Variants in IBTK observed in about 807,000 individuals in gnomAD.
The protein encoded by IBTK is inhibitor of Bruton tyrosine kinase.
Under a neutral mutation model 154.9 loss-of-function variants are expected in IBTK, and 83 were observed. The ratio of observed to expected loss-of-function variants is 0.54; its 90% CI spans 0.45 to 0.64. The LOEUF is 0.64. Ranked by LOEUF, IBTK falls within the 30% of genes least tolerant of loss-of-function variation. The pLI, the probability that IBTK is intolerant of heterozygous loss-of-function variation, is 0.00. For synonymous variants in IBTK, 515 were observed against 536.1 expected (o/e 0.96, Z 0.54); for missense variants, 1,332 against 1,584.6 (o/e 0.84, Z 2.71).
chr6:82,212,638 A>G (rs908513610), intron 13 of IBTK, 69 bp downstream of exon 13: 8 of 924,366 alleles, frequency 8.7e-6, no homozygotes, highest in Non-Finnish European at 1.4e-5. Context: ...GTGGGTAAGC[A>G]GAGATCTATT....
chr6:82,218,018 A>G lies in IBTK; in HGVS notation c.1368T>C (p.Asp456=), dbSNP rs1407686404. 4 of 1,612,330 alleles carry G rather than the reference A, an allele frequency of 2.5e-6. No homozygotes were observed. In the South Asian group the frequency reaches 3.3e-5, roughly 13 times the overall value. Residue 456 remains aspartate (D), a synonymous_variant, in exon 10 of 29, where the codon GAT becomes GAC. Coordinates refer to ENST00000306270, the MANE Select transcript of IBTK (RefSeq NM_015525.4). ...ACCATCTCCCTCTAAATCCTTCTCC[A>G]TCTTGCGTAACAAATAGAATTTCAT... ...NRNEILFVTQ[D]GEGFRGRWFE... is the part of the protein sequence containing the mutation.
At chr6:82,224,026 G>T in intron 7 of IBTK, 42 bp downstream of exon 7, 2 of 1,033,310 alleles carry the variant, frequency 1.9e-6, no homozygotes, top group Non-Finnish European at 3.0e-6. Context: ...TTTTTAAAGA[G>T]TCCAATTTAA....
intron 25 of IBTK, among the ~76,000 whole-genome samples, chr6:82,190,354 G>A (rs1198365775): frequency 1.1e-5 from 1 of 87,812 alleles, no homozygotes; most frequent in Non-Finnish European, 2.4e-5. Flanking sequence ...CCTTGTGAGA[G>A]AAAGAGAGTT....
intron 9 of IBTK, 54 bp from the exon 10 acceptor site, chr6:82,218,191 C>A: frequency 2.3e-6 from 3 of 1,304,060 alleles, no homozygotes; most frequent in South Asian, 3.9e-5. Context: ...TTTGAACAAC[C>A]AAAACCTTAA....
chr6:82,216,550 T>C (rs1562095091), intron 10 of IBTK, among the ~76,000 whole-genome samples: 1 of 152,208 alleles, frequency 6.6e-6, no homozygotes, highest in Non-Finnish European at 1.5e-5. Flanking sequence ...TCTAGTGTCA[T>C]ACTAGCTTTT....
chr6:82,173,447 C>T lies in IBTK; in HGVS notation c.3726-9G>A. 1 of 1,609,712 alleles carries T rather than the reference C, an allele frequency of 6.2e-7. No individual in the cohort carries two copies. Among genetic ancestry groups the T allele is most frequent in the Non-Finnish European group, 8.5e-7 (1 of 1,176,418 alleles). ...TACCATGGGTAGAGCATCTGCAAAA[C>T]AAATGCCAAAATTAAAGATTAAAGC... On this transcript the variant is annotated splice_polypyrimidine_tract_variant and intron_variant, in intron 26 of 28. Transcript: ENST00000306270.
In IBTK at chr6:82,223,517, A is replaced by G. The variant is rs776071269; in HGVS notation, c.1047T>C (p.Asp349=). The G allele has an allele frequency of 6.2e-7, 1 of 1,614,152 alleles. No individual in the cohort carries two copies. The highest frequency in any genetic ancestry group is 8.5e-7 in the Non-Finnish European group (1 of 1,179,946). ...TTGTGGTAACACAGACTGTAGCTCCATCACTTGCAGCAACCAAAGACAGAG... is the reference window on the plus strand; with the variant it reads ...TTGTGGTAACACAGACTGTAGCTCCGTCACTTGCAGCAACCAAAGACAGAG... ...DIALSLVAAS[D]GATVCVTTRG... is the part of the protein sequence containing the mutation. Residue 349 remains aspartate, a synonymous_variant, in exon 8 of 29, where the codon GAT becomes GAC. Coordinates refer to ENST00000306270, the MANE Select transcript of IBTK (RefSeq NM_015525.4).
intron 1 of IBTK, among the ~76,000 whole-genome samples, chr6:82,245,309 A>C (rs1217473895): frequency 6.6e-6 from 1 of 152,188 alleles, no homozygotes; most frequent in Non-Finnish European, 1.5e-5. Context: ...CTGTAGTCCC[A>C]ACACTTTGTT....
intron 4 of IBTK, 33 bp from the exon 5 acceptor site, chr6:82,227,335 C>A: frequency 7.9e-7 from 1 of 1,261,214 alleles, no homozygotes; most frequent in Non-Finnish European, 1.1e-6. Flanking sequence ...TATTAAACTT[C>A]TCTGAATAAA....
chr6:82,244,407 C>G (rs779386653), intron 1 of IBTK, among the ~76,000 whole-genome samples: 1 of 152,204 alleles, frequency 6.6e-6, no homozygotes, highest in Non-Finnish European at 1.5e-5. Flanking sequence ...TTTAAAACCT[C>G]ATTCCCTTAA....
At chr6:82,220,016 C>G (rs895146185) in intron 9 of IBTK, among the ~76,000 whole-genome samples, 1 of 151,980 alleles carries the variant, frequency 6.6e-6, no homozygotes, top group East Asian at 1.9e-4. Context: ...TTGAGACCAG[C>G]CTGGCTAACA....
intron 22 of IBTK, among the ~76,000 whole-genome samples, chr6:82,195,708 G>A (rs1768958498): frequency 6.6e-6 from 1 of 152,154 alleles, no homozygotes; most frequent in African/African-American, 2.4e-5. Context: ...ACAGAAAAGT[G>A]ACTCTATCTC....
chr6:82,188,916 G>T, intron 25 of IBTK: 1 of 279,536 alleles, frequency 3.6e-6, no homozygotes, highest in South Asian at 3.2e-5. Flanking sequence ...TGTAATCCTA[G>T]CTATTCAGGA....
At chr6:82,239,790 G>A (rs1266289678) in intron 2 of IBTK, among the ~76,000 whole-genome samples, 4 of 130,278 alleles carry the variant, frequency 3.1e-5, no homozygotes, top group Non-Finnish European at 5.0e-5. Flanking sequence ...AATGCTGCCC[G>A]ATTCATAAAT....
chr6:82,203,580 G>C (rs1337309753), intron 17 of IBTK, among the ~76,000 whole-genome samples: 2 of 152,074 alleles, frequency 1.3e-5, no homozygotes, highest in Admixed American at 6.6e-5. Flanking sequence ...AACTTCTTTA[G>C]AGTTGTTCAC....
At chr6:82,236,094 G>A (rs1160601847) in intron 2 of IBTK, among the ~76,000 whole-genome samples, 1 of 152,098 alleles carries the variant, frequency 6.6e-6, no homozygotes, top group African/African-American at 2.4e-5. Context: ...GGCTGGTTTC[G>A]AACTCCTGAC....
At chr6:82,231,940 T>C (rs1001171263) in intron 3 of IBTK, 98 bp from the exon 4 acceptor site, 6 of 609,062 alleles carry the variant, frequency 9.9e-6, no homozygotes, top group African/African-American at 3.7e-5. Flanking sequence ...CGCTCTTCTC[T>C]GAATGAATAT....
At position 82,224,158 on chromosome 6, in the gene IBTK, T is replaced by A; in HGVS notation, c.853A>T (p.Thr285Ser). ...CTGCCTGCTGCAACGCCAATGATTG[T>A]CCTTCCTTTCAGATATTTTGCCTGT... ...QIQAKYLKGR[T>S]IIGVAAGRFH... Residue 285 changes from threonine (T) to serine (S), a missense_variant, in exon 7 of 29, where the codon ACA becomes TCA. Transcript: ENST00000306270. 5.0e-6 allele frequency: 8 copies of A among 1,613,966 alleles called. No homozygotes were observed. Among genetic ancestry groups the A allele is most frequent in the Non-Finnish European group, 5.9e-6 (7 of 1,179,832 alleles).
chr6:82,217,973 ACT>A lies in IBTK; in HGVS notation c.1411_1412del (p.Ser471PhefsTer2), dbSNP rs1769933283. 1.9e-6 allele frequency: 3 copies of A among 1,594,662 alleles called. No homozygotes were observed. Among genetic ancestry groups the A allele is most frequent in the Admixed American group, 1.8e-5 (1 of 55,624 alleles). ...RGRWFEEKRK[S>X]SEKKEILSNL... ...ATATGAACTGACCTTTCTTTTCAGA[ACT>A]CTTTCTTTTCTCTTCAAACCATCTC... On this transcript the variant is annotated frameshift_variant, in exon 10 of 29. Transcript: ENST00000306270. LOFTEE classifies it high-confidence loss of function.
Sources: allele counts gnomAD v4.1 joint callset (sites outside exome capture counted in the v4.1 genomes callset), GRCh38; gene constraint gnomAD v4.1.1; transcripts MANE v1.5; gene names NCBI Gene and HGNC (gene_info 2026-07-23, HGNC 2026-07-21).